The following CLDN18 variants were observed in gnomAD, a reference collection of about 807,000 sequenced individuals.
The protein encoded by CLDN18 is claudin 18, also known as claudin-18.
A neutral mutation model predicts 25.0 loss-of-function variants in CLDN18; 20 were observed. The ratio of observed to expected loss-of-function variants is 0.80; its 90% CI spans 0.56 to 1.16. The LOEUF is 1.16. Among genes scored for constraint, CLDN18 ranks in the 50% most tolerant of loss-of-function variants. The pLI is 0.00. For missense variants in CLDN18, 297 were observed against 345.4 expected, an observed-to-expected ratio of 0.86 and a Z score of 1.11; for synonymous variants, 125 against 135.6, an observed-to-expected ratio of 0.92 and a Z score of 0.54.
At chr3:138,005,058 C>A (rs1942055394) in intron 1 of CLDN18, 1 of 151,910 alleles carries the variant, frequency 6.6e-6, no homozygotes, top group African/African-American at 2.4e-5. Context: ...GTAATTACAG[C>A]AATGTATTAA....
rs12633380 is a variant in CLDN18 at position 138,002,219 on chromosome 3, T to C, written c.220+3131T>C. ...TGGTAGTTCTCTGCAGTGGTCTTCC[T>C]TGTTTAAGGAAAGATTGTATTGTGG... On this transcript the variant is annotated intron_variant, in intron 1 of 4. Transcript: ENST00000343735. Among the ~76,000 whole-genome samples the C allele has an allele frequency of 3.8e-3, 584 of 152,330 alleles. 19 individuals are homozygous for C. In the East Asian group the frequency reaches 0.073, roughly 19 times the overall value.
At chr3:138,025,378 T>C (rs1942315003) in intron 3 of CLDN18, among the ~76,000 whole-genome samples, 1 of 152,172 alleles carries the variant, frequency 6.6e-6, no homozygotes, top group African/African-American at 2.4e-5. Flanking sequence ...CCCATATTCA[T>C]TTAGTCACTT....
At chr3:138,011,538 C>A (rs1942137050) in intron 1 of CLDN18, among the ~76,000 whole-genome samples, 1 of 152,082 alleles carries the variant, frequency 6.6e-6, no homozygotes, top group Non-Finnish European at 1.5e-5. Flanking sequence ...CTTAGGGAAG[C>A]AAGGGAGGTA....
intron 1 of CLDN18, among the ~76,000 whole-genome samples, chr3:138,018,125 G>T (rs894086398): frequency 1.3e-5 from 2 of 152,160 alleles, no homozygotes; most frequent in Non-Finnish European, 1.5e-5. Flanking sequence ...GATGGTTCCT[G>T]CTGCTATAAG....
chr3:138,024,209 C>T (rs1055358463), intron 2 of CLDN18, among the ~76,000 whole-genome samples: 1 of 151,066 alleles, frequency 6.6e-6, no homozygotes, highest in Non-Finnish European at 1.5e-5. Flanking sequence ...TTAACTTAAG[C>T]TGAAAAAAAA....
rs1253959850 is a variant in CLDN18, at chr3:138,031,720, C to G, written c.*579C>G. 6.6e-6 allele frequency: 1 copy of G among 152,200 alleles called. No individual in the cohort carries two copies. Among genetic ancestry groups the G allele is most frequent in the Non-Finnish European group, 1.5e-5 (1 of 68,052 alleles). The allele number at this position is 152,200 out of a possible 1,614,324, so 9.4% of individuals were successfully genotyped here. A position where few individuals can be genotyped will look rare whatever the true frequency, so the allele number is the denominator to read the frequency against. On this transcript the variant is annotated 3_prime_UTR_variant, in exon 5 of 5. Transcript: ENST00000183605. ...ATCTTAAAAGTTACCAAACCAAAGT[C>G]ATTTTCAGTTTGAGGCAACCAAACC...
At chr3:138,006,400 T>C (rs980345353), upstream of CLDN18, among the ~76,000 whole-genome samples, 3 of 152,188 alleles carry the variant, frequency 2.0e-5, no homozygotes, top group Non-Finnish European at 4.4e-5. Flanking sequence ...ATATAAGCTC[T>C]TGGAAACTTA....
chr3:138,020,504 C>T (rs1351178817), intron 1 of CLDN18, among the ~76,000 whole-genome samples: 1 of 152,190 alleles, frequency 6.6e-6, no homozygotes, highest in South Asian at 2.1e-4. Context: ...TCTAACTCTC[C>T]TTTTTCAAAA....
chr3:138,008,968 C>G (rs1009707197), upstream of CLDN18, among the ~76,000 whole-genome samples: 1 of 152,034 alleles, frequency 6.6e-6, no homozygotes, highest in Non-Finnish European at 1.5e-5. Context: ...CCAGACATAC[C>G]TGGCCCCCAT....
intron 4 of CLDN18, among the ~76,000 whole-genome samples, 188 bp from the exon 5 acceptor site, chr3:138,030,782 C>G (rs1200223738): frequency 1.3e-5 from 2 of 152,150 alleles, no homozygotes; most frequent in Non-Finnish European, 2.9e-5. Context: ...ACTTCTGTTC[C>G]ACTGCAGAGG....
intron 1 of CLDN18, among the ~76,000 whole-genome samples, chr3:138,016,090 G>A (rs1231345037): frequency 6.6e-6 from 1 of 152,144 alleles, no homozygotes; most frequent in Admixed American, 6.6e-5. Flanking sequence ...ACTATTTATT[G>A]AGCTGCATAT....
At chr3:138,000,608 G>C (rs1657008036) in intron 1 of CLDN18, among the ~76,000 whole-genome samples, 1 of 152,200 alleles carries the variant, frequency 6.6e-6, no homozygotes, top group African/African-American at 2.4e-5. Flanking sequence ...ATGCTAAAGA[G>C]ATTGAATCAG....
chr3:138,018,122 C>A (rs1201835530), intron 1 of CLDN18, among the ~76,000 whole-genome samples: 3 of 152,126 alleles, frequency 2.0e-5, no homozygotes, highest in Non-Finnish European at 4.4e-5. Context: ...TTAGATGGTT[C>A]CTGCTGCTAT....
chr3:138,010,152 G>A (rs1051588476), upstream of CLDN18: 1 of 1,544,204 alleles, frequency 6.5e-7, no homozygotes, highest in Non-Finnish European at 8.7e-7. Context: ...CCCCTCAGGA[G>A]CGCGTTAGCT....
At chr3:138,009,939 G>T, upstream of CLDN18, 1 of 403,368 alleles carries the variant, frequency 2.5e-6, no homozygotes, top group Non-Finnish European at 4.5e-6. Flanking sequence ...GGTCTGGCCC[G>T]GAGCAGGGAG....
chr3:138,025,473 G>A (rs1315572304), intron 3 of CLDN18, among the ~76,000 whole-genome samples: 1 of 152,148 alleles, frequency 6.6e-6, no homozygotes, highest in Non-Finnish European at 1.5e-5. Context: ...ATAAATATTA[G>A]ACCTCAGTGA....
chr3:138,020,470 G>A (rs901703494), intron 1 of CLDN18, among the ~76,000 whole-genome samples: 4 of 152,196 alleles, frequency 2.6e-5, no homozygotes, highest in African/African-American at 9.7e-5. Context: ...TATTGCAGGA[G>A]GCACTTTAAC....
chr3:138,026,014 C>T (rs1942323001), intron 3 of CLDN18, among the ~76,000 whole-genome samples: 1 of 152,168 alleles, frequency 6.6e-6, no homozygotes, highest in Admixed American at 6.5e-5. Flanking sequence ...TCTGAAAGGC[C>T]TCCTGAACTT....
In CLDN18 at chr3:138,010,173, G is replaced by A. The variant is rs1420254421; in HGVS notation, c.-53G>A. The A allele has an allele frequency of 6.3e-7, 1 of 1,588,082 alleles. No homozygotes were observed. The highest frequency in any genetic ancestry group is 8.6e-7 in the Non-Finnish European group (1 of 1,167,340). On this transcript the variant is annotated 5_prime_UTR_variant, in exon 1 of 5. Coordinates refer to ENST00000183605, the MANE Select transcript of CLDN18 (RefSeq NM_016369.4). Reference sequence around the variant, plus strand: ...AGGAGCGCGTTAGCTTCACACCTTCGGCAGCAGGAGGGCGGCAGCTTCTCG... The same window carrying A: ...AGGAGCGCGTTAGCTTCACACCTTCAGCAGCAGGAGGGCGGCAGCTTCTCG...
Sources: allele counts gnomAD v4.1 joint callset (sites outside exome capture counted in the v4.1 genomes callset), GRCh38; gene constraint gnomAD v4.1.1; transcripts MANE v1.5; gene names NCBI Gene and HGNC (gene_info 2026-07-23, HGNC 2026-07-21).